The following LDAH variants were observed in gnomAD, a reference collection of about 807,000 sequenced individuals.
The protein encoded by LDAH is lipid droplet associated hydrolase.
LDAH carries 26 observed loss-of-function variants against 29.6 expected under a neutral mutation model. That is an observed-to-expected ratio of 0.88 (90% CI 0.64 to 1.22). The LOEUF (loss-of-function observed/expected upper bound fraction) is 1.22. Ranked by LOEUF, LDAH falls within the 50% of genes most tolerant of loss-of-function variation. The pLI is 0.00. For missense variants in LDAH, 344 were observed against 387.3 expected, an observed-to-expected ratio of 0.89 and a Z score of 0.94; for synonymous variants, 117 against 133.0, an observed-to-expected ratio of 0.88 and a Z score of 0.83.
intron 2 of LDAH, among the ~76,000 whole-genome samples, chr2:20,793,714 G>T (rs547259876): frequency 4.3e-4 from 65 of 152,260 alleles, no homozygotes; most frequent in African/African-American, 1.5e-3. Context: ...TATCTTAAAA[G>T]AGTAATTAGG....
intron 6 of LDAH, among the ~76,000 whole-genome samples, chr2:20,692,819 C>T (rs1367834432): frequency 6.6e-6 from 1 of 152,082 alleles, no homozygotes; most frequent in Non-Finnish European, 1.5e-5. Context: ...TAGTGCAGGC[C>T]TGAGCAGGGT....
rs57619975 is a variant in LDAH, at chr2:20,795,945, C to CCACA, written c.154+5361_154+5364dup. ...AATAGATTAGCTCCCCCGAAACCTG[C>CCACA]CACACACACACACACACACACACAC... On this transcript the variant is annotated intron_variant, in intron 2 of 6. Coordinates refer to ENST00000237822, the MANE Select transcript of LDAH (RefSeq NM_021925.4). 3.5e-3 allele frequency among the ~76,000 whole-genome samples: 502 copies of CCACA among 141,982 alleles called. 2 individuals are homozygous for CCACA. The highest frequency in any genetic ancestry group is 0.011 in the African/African-American group (424 of 38,236). The allele number at this position is 141,982 out of a possible 152,430, so 93.1% of individuals were successfully genotyped here.
chr2:20,730,553 T>G (rs1308476841), intron 5 of LDAH, among the ~76,000 whole-genome samples: 1 of 152,208 alleles, frequency 6.6e-6, no homozygotes, highest in Non-Finnish European at 1.5e-5. Context: ...AGCTAGTCTT[T>G]GCCTAGTCCT....
At chr2:20,705,849 A>C (rs554633620) in intron 5 of LDAH, among the ~76,000 whole-genome samples, 2 of 152,282 alleles carry the variant, frequency 1.3e-5, no homozygotes, top group South Asian at 4.1e-4. Context: ...GTTAAGTCTT[A>C]GTTTTCACAT....
intron 2 of LDAH, 45 bp downstream of exon 2, chr2:20,801,265 A>G: frequency 6.4e-7 from 1 of 1,573,668 alleles, no homozygotes; most frequent in Non-Finnish European, 8.6e-7. Context: ...AGACATAGTT[A>G]TGAGTATCTA....
At chr2:20,818,570 C>CT (rs139009602) in intron 1 of LDAH, among the ~76,000 whole-genome samples, 8,966 of 146,356 alleles carry the variant, frequency 0.061, 369 homozygotes, top group African/African-American at 0.12. Flanking sequence ...AAAACTACTG[C>CT]TTTTTTTTTT....
chr2:20,819,877 C>T (rs1673129241), intron 1 of LDAH, among the ~76,000 whole-genome samples: 1 of 152,162 alleles, frequency 6.6e-6, no homozygotes, highest in South Asian at 2.1e-4. Context: ...ATCGTCTCAG[C>T]CCAAAATCTC....
chr2:20,770,636 T>A (rs1437936434), intron 4 of LDAH, among the ~76,000 whole-genome samples: 1 of 152,182 alleles, frequency 6.6e-6, no homozygotes, highest in Non-Finnish European at 1.5e-5. Context: ...CACACAATCC[T>A]GAAATTGCTA....
intron 4 of LDAH, among the ~76,000 whole-genome samples, chr2:20,747,288 A>G (rs1572535744): frequency 1.3e-5 from 2 of 152,266 alleles, no homozygotes; most frequent in East Asian, 3.9e-4. Context: ...GTACTTCAAC[A>G]TCTTCAAAAA....
At chr2:20,807,967 GAATT>G (rs1371793759) in intron 1 of LDAH, among the ~76,000 whole-genome samples, 1 of 149,296 alleles carries the variant, frequency 6.7e-6, no homozygotes, top group Non-Finnish European at 1.5e-5. Flanking sequence ...TATATTATTT[GAATT>G]AATAAGTGAA....
intron 3 of LDAH, among the ~76,000 whole-genome samples, chr2:20,779,461 C>CT (rs924688798): frequency 9.3e-5 from 14 of 150,382 alleles, no homozygotes; most frequent in African/African-American, 2.2e-4. Context: ...TCATGTATAC[C>CT]TTTTTTTTTA....
chr2:20,763,728 TG>T (rs905861820), intron 4 of LDAH, among the ~76,000 whole-genome samples: 1 of 152,220 alleles, frequency 6.6e-6, no homozygotes, highest in Non-Finnish European at 1.5e-5. Context: ...TCTGAGAGGA[TG>T]GGGGAACTTT....
intron 3 of LDAH, among the ~76,000 whole-genome samples, chr2:20,782,722 G>A (rs541877526): frequency 1.3e-5 from 2 of 152,104 alleles, no homozygotes; most frequent in South Asian, 4.2e-4. Context: ...TCCCCCCTTG[G>A]TTAGCCTGGC....
intron 3 of LDAH, among the ~76,000 whole-genome samples, chr2:20,781,052 A>G (rs1283611601): frequency 4.6e-5 from 7 of 152,132 alleles, no homozygotes; most frequent in South Asian, 2.1e-4. Flanking sequence ...AGATTGTATA[A>G]CTTTTTTAGG....
chr2:20,759,596 T>G (rs1224560933), intron 4 of LDAH, among the ~76,000 whole-genome samples: 1 of 152,170 alleles, frequency 6.6e-6, no homozygotes, highest in Non-Finnish European at 1.5e-5. Flanking sequence ...TTTTCCTTTC[T>G]TAAAGATCAC....
chr2:20,696,802 G>C (rs567264210), intron 6 of LDAH, among the ~76,000 whole-genome samples: 8 of 152,186 alleles, frequency 5.3e-5, no homozygotes, highest in African/African-American at 1.9e-4. Flanking sequence ...AGACAAACTG[G>C]GATTGGGGTG....
At chr2:20,767,533 G>A (rs1035187273) in intron 4 of LDAH, among the ~76,000 whole-genome samples, 1 of 152,246 alleles carries the variant, frequency 6.6e-6, no homozygotes, top group African/African-American at 2.4e-5. Flanking sequence ...GTTGAGGGCG[G>A]CTCAGCACTG....
intron 2 of LDAH, among the ~76,000 whole-genome samples, chr2:20,792,132 T>C (rs1671003488): frequency 6.6e-6 from 1 of 152,124 alleles, no homozygotes; most frequent in African/African-American, 2.4e-5. Flanking sequence ...TAAAATTTCA[T>C]CTCATTAATA....
intron 1 of LDAH, among the ~76,000 whole-genome samples, chr2:20,812,296 C>G (rs1672551676): frequency 1.3e-5 from 2 of 152,316 alleles, no homozygotes; most frequent in South Asian, 4.1e-4. Context: ...CTTTTCCTCT[C>G]CTATTCCCTG....
Sources: allele counts gnomAD v4.1 joint callset (sites outside exome capture counted in the v4.1 genomes callset), GRCh38; gene constraint gnomAD v4.1.1; transcripts MANE v1.5; gene names NCBI Gene and HGNC (gene_info 2026-07-23, HGNC 2026-07-21).